The following CSMD1 variants were observed in gnomAD, a reference collection of about 807,000 sequenced individuals.
CSMD1 encodes CUB and Sushi multiple domains 1.
Under a neutral mutation model 417.5 loss-of-function variants are expected in CSMD1, and 213 were observed. The ratio of observed to expected loss-of-function variants is 0.51; its 90% CI spans 0.46 to 0.57. CSMD1 has a LOEUF of 0.57. CSMD1 is among the 20% of genes least tolerant of loss of function. The pLI, the probability that CSMD1 is intolerant of heterozygous loss-of-function variation, is 0.00. For synonymous variants in CSMD1, 2,862 were observed against 1,736.8 expected (o/e 1.65, Z -16.11); for missense variants, 6,923 against 4,529.7 (o/e 1.53, Z -15.17).
At chr8:4,207,996 A>T (rs553345593) in intron 3 of CSMD1, among the ~76,000 whole-genome samples, 1 of 152,158 alleles carries the variant, frequency 6.6e-6, no homozygotes, top group Non-Finnish European at 1.5e-5. Context: ...TAAGCAGAGA[A>T]AAGTTTAAAA....
At chr8:3,246,691 C>T (rs749067916) in intron 26 of CSMD1, among the ~76,000 whole-genome samples, 5 of 152,124 alleles carry the variant, frequency 3.3e-5, no homozygotes, top group Non-Finnish European at 5.9e-5. Context: ...ATGCTGGCCT[C>T]GAACTCCTGA....
At chr8:3,918,693 G>T (rs939261713) in intron 5 of CSMD1, among the ~76,000 whole-genome samples, 4 of 152,068 alleles carry the variant, frequency 2.6e-5, no homozygotes, top group Non-Finnish European at 5.9e-5. Flanking sequence ...ATACTACTGA[G>T]CCATAAAAAG....
At position 4,328,166 on chromosome 8, in the gene CSMD1, G is replaced by T. The variant is rs527594358; in HGVS notation, c.415+91787C>A. 2.0e-5 allele frequency among the ~76,000 whole-genome samples: 3 copies of T among 151,732 alleles called. No homozygotes were observed. The East Asian group carries it at 5.8e-4, about 29-fold the overall frequency. On this transcript the variant is annotated intron_variant, in intron 3 of 69. Transcript: ENST00000635120. The stretch of plus-strand genomic sequence containing the variant: ...CAAAGATGTTAAATGCCTCATTCGA[G>T]GTCACATTATAAGACAGTAAGTAAG...
intron 2 of CSMD1, among the ~76,000 whole-genome samples, chr8:4,451,872 C>A (rs1453504782): frequency 6.6e-6 from 1 of 151,600 alleles, no homozygotes; most frequent in Non-Finnish European, 1.5e-5. Context: ...CCTTTCAAAC[C>A]TCATGTGTTC....
At chr8:3,552,143 C>T (rs1296640401) in intron 10 of CSMD1, among the ~76,000 whole-genome samples, 2 of 152,138 alleles carry the variant, frequency 1.3e-5, no homozygotes, top group Non-Finnish European at 2.9e-5. Context: ...GAATTCATCC[C>T]ATCTTCTAAG....
intron 3 of CSMD1, among the ~76,000 whole-genome samples, chr8:4,385,068 A>C (rs1803358524): frequency 6.6e-6 from 1 of 152,164 alleles, no homozygotes. Flanking sequence ...CTGTGATTAC[A>C]GGTGCCTTCC....
At chr8:2,941,228 G>A (rs1801852463) in intron 69 of CSMD1, among the ~76,000 whole-genome samples, 1 of 152,158 alleles carries the variant, frequency 6.6e-6, no homozygotes, top group African/African-American at 2.4e-5. Flanking sequence ...TGAAGACACA[G>A]GCACAAGCAG....
chr8:3,357,531 G>C (rs554580438), intron 21 of CSMD1, among the ~76,000 whole-genome samples: 1 of 152,166 alleles, frequency 6.6e-6, no homozygotes, highest in Non-Finnish European at 1.5e-5. Context: ...TTAGACCACA[G>C]AGTAAAAACC....
intron 3 of CSMD1, among the ~76,000 whole-genome samples, chr8:4,040,927 A>G (rs1340943261): frequency 6.6e-6 from 1 of 151,874 alleles, no homozygotes; most frequent in East Asian, 1.9e-4. Flanking sequence ...GCTAGTGTGA[A>G]TTATTAAATA....
At chr8:4,158,122 C>G (rs1310619259) in intron 3 of CSMD1, among the ~76,000 whole-genome samples, 1 of 151,602 alleles carries the variant, frequency 6.6e-6, no homozygotes, top group Non-Finnish European at 1.5e-5. Flanking sequence ...GCTTAAGATC[C>G]CTGCAGTCCC....
chr8:3,070,434 A>G (rs2128998074), intron 49 of CSMD1, among the ~76,000 whole-genome samples: 1 of 152,358 alleles, frequency 6.6e-6, no homozygotes, highest in East Asian at 1.9e-4. Flanking sequence ...CATAGGCTGT[A>G]TAAAGCAGCC....
intron 2 of CSMD1, among the ~76,000 whole-genome samples, chr8:4,441,427 T>C (rs1798476374): frequency 6.6e-6 from 1 of 151,830 alleles, no homozygotes; most frequent in South Asian, 2.1e-4. Flanking sequence ...AAGTCATCTT[T>C]AAGATTACTT....
intron 2 of CSMD1, among the ~76,000 whole-genome samples, chr8:4,596,829 C>G (rs910511866): frequency 6.6e-6 from 1 of 152,120 alleles, no homozygotes; most frequent in Non-Finnish European, 1.5e-5. Flanking sequence ...GTGGGAGGGA[C>G]CCAGGGGGAG....
intron 3 of CSMD1, among the ~76,000 whole-genome samples, chr8:4,306,083 T>C (rs529753221): frequency 5.9e-5 from 9 of 152,346 alleles, no homozygotes; most frequent in East Asian, 1.9e-4. Context: ...TTGTGAGAAA[T>C]GTTATAATGA....
chr8:3,284,763 C>G lies in CSMD1; in HGVS notation c.3951-417G>C, dbSNP rs577977571. On this transcript the variant is annotated intron_variant, in intron 25 of 69. Coordinates refer to ENST00000635120, the MANE Select transcript of CSMD1 (RefSeq NM_033225.6). Reference sequence around the variant, plus strand: ...TCAGTGTTGTTCACGAAATGCCCCGCTAGGTGGCAGCAGCCACAGCAGGAG... The same window carrying G: ...TCAGTGTTGTTCACGAAATGCCCCGGTAGGTGGCAGCAGCCACAGCAGGAG... The G allele has an allele frequency of 3.9e-4, 66 of 168,126 alleles. No individual in the cohort carries two copies. In the East Asian group the frequency reaches 8.9e-3, roughly 23 times the overall value. The allele number at this position is 168,126 out of a possible 1,614,324, so 10.4% of individuals were successfully genotyped here. A position where few individuals can be genotyped will look rare whatever the true frequency, so the allele number is the denominator to read the frequency against.
intron 5 of CSMD1, among the ~76,000 whole-genome samples, chr8:3,845,115 C>A (rs1219549070): frequency 1.3e-5 from 2 of 152,138 alleles, no homozygotes; most frequent in East Asian, 3.9e-4. Flanking sequence ...GAAGTATCAA[C>A]TATAAGGCAA....
intron 3 of CSMD1, among the ~76,000 whole-genome samples, chr8:4,317,168 G>C (rs1039527395): frequency 4.6e-5 from 7 of 152,068 alleles, no homozygotes; most frequent in African/African-American, 1.2e-4. Context: ...CCCTTGTAAA[G>C]TTTTACAGTT....
At chr8:4,518,307 C>T (rs1156422106) in intron 2 of CSMD1, among the ~76,000 whole-genome samples, 2 of 152,040 alleles carry the variant, frequency 1.3e-5, no homozygotes, top group Non-Finnish European at 2.9e-5. Flanking sequence ...GAGGTAAAAG[C>T]GCAAAGCTTC....
At chr8:4,635,473 T>A (rs1212936666) in intron 2 of CSMD1, among the ~76,000 whole-genome samples, 1 of 152,100 alleles carries the variant, frequency 6.6e-6, no homozygotes, top group East Asian at 1.9e-4. Context: ...TTAAGACAGG[T>A]TTTCTATATA....
Sources: allele counts gnomAD v4.1 joint callset (sites outside exome capture counted in the v4.1 genomes callset), GRCh38; gene constraint gnomAD v4.1.1; transcripts MANE v1.5; gene names NCBI Gene and HGNC (gene_info 2026-07-23, HGNC 2026-07-21).